Variants in SGMS1 observed in about 807,000 individuals in gnomAD.
SGMS1 encodes the protein phosphatidylcholine:ceramide cholinephosphotransferase 1.
A neutral mutation model predicts 46.2 loss-of-function variants in SGMS1; 13 were observed. That is an observed-to-expected ratio of 0.28 (90% confidence interval 0.18 to 0.45). The LOEUF (loss-of-function observed/expected upper bound fraction) is 0.45, where lower values mean the gene tolerates loss of function less well. SGMS1 is among the 20% of genes least tolerant of loss of function. The pLI is 1.00. For synonymous variants in SGMS1, 203 were observed against 187.8 expected (o/e 1.08, Z -0.66); for missense variants, 324 against 519.9 (o/e 0.62, Z 3.66).
chr10:50,611,021 A>G lies in SGMS1; in HGVS notation c.-684+12686T>C, dbSNP rs535362187. Among the ~76,000 whole-genome samples, 16 of 152,276 alleles carry G rather than the reference A, an allele frequency of 1.1e-4. No individual in the cohort carries two copies. The East Asian group carries it at 3.1e-3, about 29-fold the overall frequency. Reference sequence around the variant, plus strand: ...GAGTGAACTAATAGCCAGGGGAATAATAGGGACAGGCTCTGGGATAAGATC... The same window carrying G: ...GAGTGAACTAATAGCCAGGGGAATAGTAGGGACAGGCTCTGGGATAAGATC... On this transcript the variant is annotated intron_variant, in intron 1 of 10. Transcript: ENST00000361781.
intron 3 of SGMS1, among the ~76,000 whole-genome samples, chr10:50,485,935 G>A (rs1430828069): frequency 1.3e-5 from 2 of 151,896 alleles, no homozygotes; most frequent in Non-Finnish European, 2.9e-5. Context: ...AAAGCTAGAG[G>A]CATCACACTG....
chr10:50,354,786 T>C (rs1252519850), intron 6 of SGMS1, among the ~76,000 whole-genome samples: 1 of 152,152 alleles, frequency 6.6e-6, no homozygotes, highest in Non-Finnish European at 1.5e-5. Context: ...GCGAAGGATA[T>C]GAACAGACAC....
chr10:50,590,910 AGCTTCAAT>A (rs1183422420), intron 1 of SGMS1, among the ~76,000 whole-genome samples: 1 of 152,200 alleles, frequency 6.6e-6, no homozygotes, highest in Non-Finnish European at 1.5e-5. Context: ...CAAAAACTGG[AGCTTCAAT>A]GACTTGAGAT....
chr10:50,468,552 C>A (rs997603672), intron 3 of SGMS1, among the ~76,000 whole-genome samples: 15 of 152,190 alleles, frequency 9.9e-5, no homozygotes, highest in African/African-American at 3.4e-4. Flanking sequence ...GGTTTTATGG[C>A]ACTGTGTGCT....
chr10:50,594,379 T>C (rs1036582345), intron 1 of SGMS1, among the ~76,000 whole-genome samples: 31 of 152,214 alleles, frequency 2.0e-4, no homozygotes, highest in Non-Finnish European at 1.8e-4. Context: ...CCCACCTGAC[T>C]GGTATCTTCT....
chr10:50,311,299 C>G lies in SGMS1; in HGVS notation c.858G>C (p.Thr286=). 1 of 1,613,804 alleles carries G rather than the reference C, an allele frequency of 6.2e-7. No homozygotes were observed. The highest frequency in any genetic ancestry group is 8.5e-7 in the Non-Finnish European group (1 of 1,179,844). The part of the protein sequence containing the change: ...MCGDYLYSGH[T]VMLTLTYLFI... ...ATAAGTAGGTAAGTGTTAGCATGAC[C>G]GTGTGGCCGCTGTACAGATAGTCCC... Residue 286 remains threonine (T), a synonymous_variant, in exon 9 of 11, where the codon ACG becomes ACC. Transcript: ENST00000361781.
At chr10:50,504,940 C>T (rs1837694294) in intron 3 of SGMS1, among the ~76,000 whole-genome samples, 2 of 152,160 alleles carry the variant, frequency 1.3e-5, no homozygotes, top group Admixed American at 1.3e-4. Context: ...AACAGCTTGG[C>T]CAAGTGCAGT....
At chr10:50,531,294 T>C (rs1837951087) in intron 2 of SGMS1, among the ~76,000 whole-genome samples, 2 of 152,200 alleles carry the variant, frequency 1.3e-5, no homozygotes, top group African/African-American at 4.8e-5. Context: ...TGTTAGTACC[T>C]TACTCTCTGC....
Position 50,440,131 on chromosome 10 carries a change from A to C in SGMS1, c.-312-6575T>G, listed in dbSNP as rs965369400. ...TTTCTTCTAGAAACTTCCATATTTA[A>C]AATAAATAGTAACTGGTTTTTCTGT... is the stretch of plus-strand genomic sequence containing the variant. On this transcript the variant is annotated intron_variant, in intron 5 of 10. Coordinates refer to ENST00000361781, the MANE Select transcript of SGMS1 (RefSeq NM_147156.4). 9.9e-5 allele frequency among the ~76,000 whole-genome samples: 15 copies of C among 152,236 alleles called. No homozygotes were observed. The East Asian group carries it at 1.9e-3, about 20-fold the overall frequency.
chr10:50,435,935 A>T (rs941647931), intron 5 of SGMS1, among the ~76,000 whole-genome samples: 1 of 152,214 alleles, frequency 6.6e-6, no homozygotes, highest in Admixed American at 6.5e-5. Context: ...TTTTACCTTC[A>T]GAACCAGTGT....
intron 6 of SGMS1, among the ~76,000 whole-genome samples, chr10:50,369,411 T>A (rs1040008817): frequency 2.2e-4 from 34 of 152,120 alleles, no homozygotes; most frequent in African/African-American, 8.2e-4. Flanking sequence ...GGCAGGAGGA[T>A]CCCTTGAGCC....
chr10:50,401,508 C>T (rs1431273151), intron 6 of SGMS1, among the ~76,000 whole-genome samples: 2 of 152,150 alleles, frequency 1.3e-5, no homozygotes, highest in Non-Finnish European at 2.9e-5. Context: ...AAAGCCTCTG[C>T]TTTTCCACCC....
At chr10:50,478,459 A>G (rs1165206064) in intron 3 of SGMS1, among the ~76,000 whole-genome samples, 1 of 152,202 alleles carries the variant, frequency 6.6e-6, no homozygotes, top group African/African-American at 2.4e-5. Flanking sequence ...TTCTCTACCT[A>G]TCTATCCCTT....
At chr10:50,363,511 C>T (rs939678409) in intron 6 of SGMS1, among the ~76,000 whole-genome samples, 7 of 152,298 alleles carry the variant, frequency 4.6e-5, no homozygotes, top group African/African-American at 9.6e-5. Flanking sequence ...CTCTTCCCCA[C>T]ACCATAGAAT....
chr10:50,405,564 T>C (rs1158168503), intron 6 of SGMS1, among the ~76,000 whole-genome samples: 2 of 152,186 alleles, frequency 1.3e-5, no homozygotes, highest in Non-Finnish European at 2.9e-5. Context: ...AGAAAAATCT[T>C]TGAAAAGCTC....
At chr10:50,527,000 G>A (rs1272461859) in intron 2 of SGMS1, among the ~76,000 whole-genome samples, 1 of 148,604 alleles carries the variant, frequency 6.7e-6, no homozygotes, top group Non-Finnish European at 1.5e-5. Context: ...GTGAGGTGGA[G>A]GTTGCAGTGA....
chr10:50,390,848 T>A (rs1383362697), intron 6 of SGMS1, among the ~76,000 whole-genome samples: 2 of 152,166 alleles, frequency 1.3e-5, no homozygotes, highest in East Asian at 3.8e-4. Flanking sequence ...TAGGCTCAAA[T>A]AAATTCCACT....
chr10:50,382,558 A>AACAC (rs1240446247), intron 6 of SGMS1, among the ~76,000 whole-genome samples: 1,775 of 69,242 alleles, frequency 0.026, 34 homozygotes, highest in African/African-American at 0.098. Flanking sequence ...CACACACACA[A>AACAC]ACACACACAT....
chr10:50,473,774 T>C (rs1837397969), intron 3 of SGMS1, among the ~76,000 whole-genome samples: 2 of 152,344 alleles, frequency 1.3e-5, no homozygotes, highest in South Asian at 2.1e-4. Flanking sequence ...TCAGGCCCAG[T>C]TGTCTTTCGA....
Sources: gnomAD v4.1 joint callset for allele counts (sites outside exome capture counted in the v4.1 genomes callset) on GRCh38, gnomAD v4.1.1 for gene constraint, MANE v1.5 for transcripts, NCBI Gene and HGNC (gene_info 2026-07-23, HGNC 2026-07-21) for gene names.